EIF4EBP1: variants seen among roughly 807,000 people sequenced by gnomAD.
EIF4EBP1 encodes the protein eukaryotic translation initiation factor 4E binding protein 1.
Under a neutral mutation model 9.2 loss-of-function variants are expected in EIF4EBP1, and 5 were observed. The ratio of observed to expected loss-of-function variants is 0.54; its 90% CI spans 0.28 to 1.14. EIF4EBP1 has a LOEUF of 1.14. Among genes scored for constraint, EIF4EBP1 ranks in the 50% most tolerant of loss-of-function variants. The probability of loss-of-function intolerance (pLI) is 0.09; values close to 1 mark genes in which losing one functional copy is unlikely to be tolerated. For synonymous variants in EIF4EBP1, 62 were observed against 67.0 expected, an observed-to-expected ratio of 0.93 and a Z score of 0.36; for missense variants, 139 against 169.6, an observed-to-expected ratio of 0.82 and a Z score of 1.00.
chr8:38,050,181 G>A (rs1399606253), intron 1 of EIF4EBP1, among the ~76,000 whole-genome samples: 1 of 152,070 alleles, frequency 6.6e-6, no homozygotes. Flanking sequence ...CAAAGTGTTG[G>A]GGTTGTATAC....
At chr8:38,032,130 C>T (rs559497958) in intron 1 of EIF4EBP1, among the ~76,000 whole-genome samples, 1 of 152,144 alleles carries the variant, frequency 6.6e-6, no homozygotes, top group East Asian at 1.9e-4. Flanking sequence ...AGGGTGGGCC[C>T]TGAGGCCGGC....
intron 1 of EIF4EBP1, among the ~76,000 whole-genome samples, chr8:38,052,952 G>C (rs1809544926): frequency 6.6e-6 from 1 of 152,152 alleles, no homozygotes; most frequent in South Asian, 2.1e-4. Context: ...TTATTTTTAA[G>C]TAACTGTGGT....
chr8:38,046,465 C>G (rs1407905058), intron 1 of EIF4EBP1, among the ~76,000 whole-genome samples: 1 of 152,134 alleles, frequency 6.6e-6, no homozygotes, highest in African/African-American at 2.4e-5. Context: ...ACACCCTCAC[C>G]CTGTCCCTTC....
intron 2 of EIF4EBP1, among the ~76,000 whole-genome samples, chr8:38,057,744 A>G (rs1248343836): frequency 1.3e-5 from 2 of 152,142 alleles, no homozygotes; most frequent in Non-Finnish European, 2.9e-5. Flanking sequence ...CCCCTAGTGG[A>G]TCTTCATGAA....
chr8:38,031,021 G>A (rs1323977870), intron 1 of EIF4EBP1, among the ~76,000 whole-genome samples: 2 of 152,216 alleles, frequency 1.3e-5, no homozygotes, highest in African/African-American at 4.8e-5. Context: ...TGCCCCTTGT[G>A]GGTGTTGGGG....
chr8:38,048,032 T>C (rs1371598086), intron 1 of EIF4EBP1, among the ~76,000 whole-genome samples: 4 of 151,978 alleles, frequency 2.6e-5, no homozygotes, highest in African/African-American at 4.8e-5. Flanking sequence ...AAAAACAGGC[T>C]GGGTGCAGTG....
chr8:38,060,209 A>G lies in EIF4EBP1; in HGVS notation c.*274A>G, dbSNP rs1809656891. 3.7e-6 allele frequency: 2 copies of G among 546,724 alleles called. No homozygotes were observed. Among genetic ancestry groups the G allele is most frequent in the Admixed American group, 6.4e-5 (2 of 31,352 alleles). The allele number at this position is 546,724 out of a possible 1,614,324, so 33.9% of individuals were successfully genotyped here. A position where few individuals can be genotyped will look rare whatever the true frequency, so the allele number is the denominator to read the frequency against. ...CCTGCAGCCAAGGGCCAGGAAGTGG[A>G]CAAGAACGAACCCTTCCTTCCGAAT... On this transcript the variant is annotated 3_prime_UTR_variant, in exon 3 of 3. Transcript: ENST00000338825.
chr8:38,031,068 C>T (rs897649847), intron 1 of EIF4EBP1, among the ~76,000 whole-genome samples: 2 of 152,188 alleles, frequency 1.3e-5, no homozygotes, highest in Admixed American at 6.5e-5. Context: ...GTTAGGGTGG[C>T]CCACGATCCA....
At chr8:38,048,778 C>A (rs907963195) in intron 1 of EIF4EBP1, among the ~76,000 whole-genome samples, 2 of 151,324 alleles carry the variant, frequency 1.3e-5, no homozygotes, top group African/African-American at 4.9e-5. Flanking sequence ...GGTTTGAGAC[C>A]AGCCTGGGTA....
intron 1 of EIF4EBP1, among the ~76,000 whole-genome samples, chr8:38,035,215 TTTA>T (rs1286898858): frequency 1.3e-5 from 2 of 151,830 alleles, no homozygotes; most frequent in East Asian, 3.9e-4. Context: ...CAGACTCCTT[TTTA>T]TTATTATTAT....
At chr8:38,035,701 AT>A (rs1358198492) in intron 1 of EIF4EBP1, among the ~76,000 whole-genome samples, 2 of 150,006 alleles carry the variant, frequency 1.3e-5, no homozygotes, top group African/African-American at 4.9e-5. Flanking sequence ...TTATTTATTT[AT>A]TTATTTATTT....
chr8:38,042,423 G>A (rs1563415630), intron 1 of EIF4EBP1, among the ~76,000 whole-genome samples: 1 of 152,150 alleles, frequency 6.6e-6, no homozygotes, highest in Admixed American at 6.5e-5. Context: ...AGGGTAGAGT[G>A]GGCCTGCCTT....
intron 2 of EIF4EBP1, among the ~76,000 whole-genome samples, chr8:38,059,478 A>T (rs1004687314): frequency 1.3e-5 from 2 of 152,102 alleles, no homozygotes; most frequent in African/African-American, 4.8e-5. Context: ...TTGGCTGGGC[A>T]CGGTGGCTCG....
rs2130401832 is a variant in EIF4EBP1, at chr8:38,057,212, G to A, written c.277G>A (p.Ala93Thr). Residue 93 changes from alanine to threonine, a missense_variant, in exon 2 of 3, where the codon GCC becomes ACC. Coordinates refer to ENST00000338825, the MANE Select transcript of EIF4EBP1 (RefSeq NM_004095.4). The part of the protein sequence containing the change: ...SPSSDEPPME[A>T]SQSHLRNSPE... ...TTCCAGTGATGAGCCCCCCATGGAA[G>A]CCAGCCAGAGCCACCTGCGCAATAG... 6.2e-7 allele frequency: 1 copy of A among 1,614,026 alleles called. No homozygotes were observed. The highest frequency in any genetic ancestry group is 8.5e-7 in the Non-Finnish European group (1 of 1,179,956).
intron 1 of EIF4EBP1, among the ~76,000 whole-genome samples, chr8:38,033,743 CT>C (rs34809551): frequency 0.02 from 2,077 of 104,168 alleles, 12 homozygotes; most frequent in African/African-American, 0.035. Flanking sequence ...GTTTGCTTTC[CT>C]TTTTTTTTTT....
Position 38,034,106 on chromosome 8 carries a change from G to A in EIF4EBP1, c.145+3388G>A, listed in dbSNP as rs376001697. Among the ~76,000 whole-genome samples, 491 of 152,100 alleles carry A rather than the reference G, an allele frequency of 3.2e-3. 6 individuals carry two copies. The highest frequency in any genetic ancestry group is 0.011 in the African/African-American group (454 of 41,488). ...GTGTCACCCAGGCTGGAGTACAGTGGCACAAACATAGCTCACTGCAGTCTC... is the reference window on the plus strand; with the variant it reads ...GTGTCACCCAGGCTGGAGTACAGTGACACAAACATAGCTCACTGCAGTCTC... On this transcript the variant is annotated intron_variant, in intron 1 of 2. Coordinates refer to ENST00000338825, the MANE Select transcript of EIF4EBP1 (RefSeq NM_004095.4).
intron 2 of EIF4EBP1, among the ~76,000 whole-genome samples, chr8:38,059,658 A>G (rs1809643106): frequency 6.6e-6 from 1 of 151,656 alleles, no homozygotes; most frequent in African/African-American, 2.4e-5. Flanking sequence ...TGGGAGGCTT[A>G]GGTAGGAGAA....
At chr8:38,052,463 T>G (rs1809538816) in intron 1 of EIF4EBP1, among the ~76,000 whole-genome samples, 1 of 151,446 alleles carries the variant, frequency 6.6e-6, no homozygotes, top group African/African-American at 2.5e-5. Flanking sequence ...GTGCAGTGGC[T>G]CATGCCTGTA....
At chr8:38,059,653 G>C (rs986528918) in intron 2 of EIF4EBP1, among the ~76,000 whole-genome samples, 1 of 151,858 alleles carries the variant, frequency 6.6e-6, no homozygotes, top group East Asian at 1.9e-4. Context: ...TCTTTTGGGA[G>C]GCTTAGGTAG....
Sources: allele counts gnomAD v4.1 joint callset (sites outside exome capture counted in the v4.1 genomes callset), GRCh38; gene constraint gnomAD v4.1.1; transcripts MANE v1.5; gene names NCBI Gene and HGNC (gene_info 2026-07-23, HGNC 2026-07-21).